The following TPM2 variants were observed in gnomAD, a reference collection of about 807,000 sequenced individuals.
TPM2 encodes tropomyosin 2.
A neutral mutation model predicts 41.0 loss-of-function variants in TPM2; 26 were observed. The observed-to-expected ratio is 0.63, with a 90% CI of 0.46 to 0.88. The LOEUF is 0.88. TPM2 is among the 40% of genes least tolerant of loss of function. TPM2 has a pLI of 0.00. For missense variants in TPM2, 187 were observed against 355.2 expected (o/e 0.53, Z 3.81); for synonymous variants, 143 against 139.3 (o/e 1.03, Z -0.19).
rs1770422890 is a variant in TPM2, at chr9:35,685,941, CTG to C, written c.241-163_241-162del. On this transcript the variant is annotated intron_variant, in intron 2 of 8. Coordinates refer to ENST00000645482, the MANE Select transcript of TPM2 (RefSeq NM_003289.4). This position sits in a 1 kb window ranked among gnomAD's most constrained non-coding sequence, Gnocchi z 5.0. ...CCCAACCAATCATCTTCTGCCCAGA[CTG>C]TGCTCCAGTAAAAAATGTGCATTCA... is the stretch of plus-strand genomic sequence containing the variant. 6.6e-6 allele frequency among the ~76,000 whole-genome samples: 1 copy of C among 152,262 alleles called. No individual in the cohort carries two copies. The highest frequency in any genetic ancestry group is 2.4e-5 in the African/African-American group (1 of 41,468).
Position 35,683,243 on chromosome 9 carries a change from TGG to T in TPM2, c.773-4_773-3del. On this transcript the variant is annotated splice_polypyrimidine_tract_variant and splice_region_variant and intron_variant, in intron 8 of 8. Coordinates refer to ENST00000645482, the MANE Select transcript of TPM2 (RefSeq NM_003289.4). The stretch of plus-strand genomic sequence containing the variant: ...TCATCTTCTGGGCATAGACTTCATC[TGG>T]GGGGGGTCCAGGGAGGGGACCAGGT... 6.7e-7 allele frequency: 1 copy of T among 1,493,472 alleles called. No homozygotes were observed. Among genetic ancestry groups the T allele is most frequent in the Non-Finnish European group, 9.1e-7 (1 of 1,096,532 alleles). 92.5% of individuals were successfully genotyped at this position (1,493,472 alleles called of 1,614,324 possible).
intron 2 of TPM2, among the ~76,000 whole-genome samples, chr9:35,688,242 A>G (rs184862766): frequency 2.0e-5 from 3 of 152,132 alleles, no homozygotes; most frequent in African/African-American, 7.2e-5. Flanking sequence ...CAGAAGCCCA[A>G]CCCCTGGGGG....
Position 35,683,145 on chromosome 9 carries a change from C to T in TPM2, c.*14G>A, listed in dbSNP as rs770508209. ...GGAGAGAAGAGAGCTGAGGTGGCCACGCTGGCGTGGGGCTCAGAGGGAGGT... is the reference window on the plus strand; with the variant it reads ...GGAGAGAAGAGAGCTGAGGTGGCCATGCTGGCGTGGGGCTCAGAGGGAGGT... On this transcript the variant is annotated 3_prime_UTR_variant, in exon 9 of 9. Transcript: ENST00000645482. The T allele has an allele frequency of 1.4e-5, 22 of 1,552,322 alleles. No individual in the cohort carries two copies. The highest frequency in any genetic ancestry group is 3.9e-5 in the Admixed American group (2 of 51,104).
At position 35,685,094 on chromosome 9, in the gene TPM2, G is replaced by A. The variant is rs1824815398; in HGVS notation, c.563+175C>T. 1.9e-6 allele frequency: 3 copies of A among 1,614,042 alleles called. No homozygotes were observed. Among genetic ancestry groups the A allele is most frequent in the Non-Finnish European group, 1.7e-6 (2 of 1,180,030 alleles). Reference sequence around the variant, plus strand: ...CCTCTGAGGCCATCAGGGACTTGAGGGCCTGGTCCATGGTTCGAAGTTCCT... The same window carrying A: ...CCTCTGAGGCCATCAGGGACTTGAGAGCCTGGTCCATGGTTCGAAGTTCCT... On this transcript the variant is annotated intron_variant, in intron 5 of 8. Coordinates refer to ENST00000645482, the MANE Select transcript of TPM2 (RefSeq NM_003289.4). This position sits in a 1 kb window ranked among gnomAD's most constrained non-coding sequence, Gnocchi z 5.0.
chr9:35,684,907 G>A lies in TPM2; in HGVS notation c.564-100C>T. 4.3e-6 allele frequency: 7 copies of A among 1,610,974 alleles called. No homozygotes were observed. The Admixed American group carries it at 5.0e-5, about 12-fold the overall frequency. ...GGGACGGGTGGAGGAGAGAAGAGAA[G>A]AGCAAAGTTGTGAGAGTGACAGCAG... On this transcript the variant is annotated intron_variant, in intron 5 of 8. Transcript: ENST00000645482.
At chr9:35,689,593 CT>C in intron 1 of TPM2, 110 bp downstream of exon 1, 1 of 1,580,630 alleles carries the variant, frequency 6.3e-7, no homozygotes, top group Non-Finnish European at 8.6e-7. Flanking sequence ...AGCCCCCACC[CT>C]GGGTGAGAGA....
chr9:35,682,061 G>C (rs751438325), downstream of TPM2: 4 of 1,613,896 alleles, frequency 2.5e-6, no homozygotes, highest in South Asian at 3.3e-5. Context: ...CCATAGCCTG[G>C]CTGGGGGTGG....
chr9:35,683,859 T>G (rs1472958541), intron 8 of TPM2, among the ~76,000 whole-genome samples: 5 of 152,208 alleles, frequency 3.3e-5, no homozygotes, highest in Non-Finnish European at 5.9e-5. Context: ...TCTACTGCGT[T>G]ACACTCGGGG....
chr9:35,685,443 T>A lies in TPM2; in HGVS notation c.483A>T (p.Lys161Asn). The change falls in exon 4 of 9, where the codon AAA (lysine) becomes AAT (asparagine). Residue 161 changes from lysine to asparagine, a missense_variant. By Grantham distance (94) the Lys-to-Asn change is moderately conservative (BLOSUM62 0). Transcript: ENST00000645482. This position sits in a 1 kb window ranked among gnomAD's most constrained non-coding sequence, Gnocchi z 5.0. ...GGGGCAAGGCTGTCACCTCTTCATA[T>A]TTGCGGTCTGAATCCTCAGCGATGT... is the stretch of plus-strand genomic sequence containing the variant. ...AKHIAEDSDRKYEEVARKLVI... is the reference protein window; with the variant it reads ...AKHIAEDSDRNYEEVARKLVI... 6.2e-7 allele frequency: 1 copy of A among 1,614,232 alleles called. No individual in the cohort carries two copies. The highest frequency in any genetic ancestry group is 8.5e-7 in the Non-Finnish European group (1 of 1,180,032).
chr9:35,684,736 T>A lies in TPM2; in HGVS notation c.635A>T (p.Asp212Val), dbSNP rs1554658784. 1.2e-6 allele frequency: 2 copies of A among 1,613,898 alleles called. No individual in the cohort carries two copies. Among genetic ancestry groups the A allele is most frequent in the Non-Finnish European group, 1.7e-6 (2 of 1,180,008 alleles). ...TGCCCCTCTGCTCCCCTCTACCTTG[T>A]CCGCCTGGGCCTCCAGGGATTTCAA... The part of the protein sequence containing the change: ...NNLKSLEAQA[D>V]KYSTKEDKYE... The change falls in exon 6 of 9, where the codon GAC becomes GTC. Residue 212 changes from aspartate (D) to valine (V), a missense_variant. Asp to Val is a radical substitution (Grantham distance 152). Transcript: ENST00000645482.
At position 35,685,137 on chromosome 9, in the gene TPM2, C is replaced by A; in HGVS notation, c.563+132G>T. ...AAGTTCCTCCTCCAGCTGTCTGGCT[C>A]GGCTGGGGGCAGCGGGCAGGGGTCA... On this transcript the variant is annotated intron_variant, in intron 5 of 8. Transcript: ENST00000645482. The surrounding 1 kb of genome is among the most constrained non-coding windows in gnomAD (Gnocchi z 5.0). The A allele has an allele frequency of 6.2e-7, 1 of 1,614,092 alleles. No individual in the cohort carries two copies. Among genetic ancestry groups the A allele is most frequent in the Non-Finnish European group, 8.5e-7 (1 of 1,180,016 alleles).
rs1205935643 is a variant in TPM2 at position 35,689,669 on chromosome 9, CG to C, written c.114+34del. Reference sequence around the variant, plus strand: ...CAGCGGCCCACCCTTGCCCTAGGCGCGGGGAGAGCAGGCTGCACTGGGCCCG... The same window carrying C: ...CAGCGGCCCACCCTTGCCCTAGGCGCGGGAGAGCAGGCTGCACTGGGCCCG... On this transcript the variant is annotated intron_variant, in intron 1 of 8. Transcript: ENST00000645482. The C allele has an allele frequency of 2.5e-6, 4 of 1,609,378 alleles. No individual in the cohort carries two copies. In the Admixed American group the frequency reaches 6.7e-5, roughly 27 times the overall value.
At chr9:35,689,388 A>C in intron 1 of TPM2, 117 bp from the exon 2 acceptor site, 1 of 1,517,596 alleles carries the variant, frequency 6.6e-7, no homozygotes, top group African/African-American at 1.4e-5. Flanking sequence ...GAAGCGGAAT[A>C]ACATAAAAGG....
chr9:35,682,843 G>A, downstream of TPM2: 3 of 1,419,184 alleles, frequency 2.1e-6, no homozygotes, highest in Non-Finnish European at 2.8e-6. Context: ...GGCTGGGGGT[G>A]TCAGTAAGTG....
chr9:35,682,360 C>CA (rs954250747), downstream of TPM2: 2 of 963,714 alleles, frequency 2.1e-6, no homozygotes, highest in Admixed American at 2.1e-5. Context: ...GTGGATGCCT[C>CA]ACTCAAGGCC....
Position 35,684,722 on chromosome 9 carries a change from T to C in TPM2, c.639+10A>G, listed in dbSNP as rs749160249. The C allele has an allele frequency of 6.3e-5, 102 of 1,613,778 alleles. No homozygotes were observed. Among genetic ancestry groups the C allele is most frequent in the Non-Finnish European group, 8.4e-5 (99 of 1,179,942 alleles). On this transcript the variant is annotated intron_variant, in intron 6 of 8. Coordinates refer to ENST00000645482, the MANE Select transcript of TPM2 (RefSeq NM_003289.4). ...GACCCCATCCTCACTGCCCCTCTGC[T>C]CCCCTCTACCTTGTCCGCCTGGGCC...
At position 35,689,752 on chromosome 9, in the gene TPM2, G is replaced by C. The variant is rs1195125126; in HGVS notation, c.66C>G (p.Ala22=). ...KLDKENAIDR[A]EQAEADKKQA... ...GCTTCTTGTCGGCTTCGGCCTGCTC[G>C]GCGCGGTCGATGGCGTTCTCCTTGT... The change falls in exon 1 of 9, where the codon GCC becomes GCG. Residue 22 remains alanine (A), a synonymous_variant. Coordinates refer to ENST00000645482, the MANE Select transcript of TPM2 (RefSeq NM_003289.4). 1.9e-6 allele frequency: 3 copies of C among 1,613,682 alleles called. No homozygotes were observed. The highest frequency in any genetic ancestry group is 2.7e-5 in the African/African-American group (2 of 74,906).
downstream of TPM2, chr9:35,682,783 G>C (rs1462995364): frequency 3.0e-6 from 4 of 1,342,596 alleles, no homozygotes; most frequent in South Asian, 3.7e-5. Context: ...TGCCTGTGCA[G>C]AGGGGTTTCA....
At chr9:35,682,931 A>C (rs112980353), downstream of TPM2, 1 of 1,501,328 alleles carries the variant, frequency 6.7e-7, no homozygotes, top group African/African-American at 1.4e-5. Context: ...CAGCATGGAG[A>C]CCAAGTTCAG....
Sources: gnomAD v4.1 joint callset for allele counts (sites outside exome capture counted in the v4.1 genomes callset) on GRCh38, gnomAD v4.1.1 for gene constraint, Gnocchi (gnomAD v3.1) non-coding constraint, MANE v1.5 for transcripts, NCBI Gene and HGNC (gene_info 2026-07-23, HGNC 2026-07-21) for gene names.